The following BBS9 variants were observed in gnomAD, a reference collection of about 807,000 sequenced individuals.
The protein encoded by BBS9 is protein PTHB1.
In BBS9, 89 loss-of-function variants were observed where a neutral mutation model predicts 117.7. That is an observed-to-expected ratio of 0.76 (90% CI 0.64 to 0.90). The LOEUF (loss-of-function observed/expected upper bound fraction) is 0.90, where lower values mean the gene tolerates loss of function less well. Ranked by LOEUF, BBS9 falls within the 40% of genes least tolerant of loss-of-function variation. The probability of loss-of-function intolerance (pLI) is 0.00; values close to 1 mark genes in which losing one functional copy is unlikely to be tolerated. For missense variants in BBS9, 982 were observed against 1,042.2 expected, an observed-to-expected ratio of 0.94 and a Z score of 0.80; for synonymous variants, 379 against 370.9, an observed-to-expected ratio of 1.02 and a Z score of -0.25.
At chr7:33,495,602 T>G (rs183633874) in intron 19 of BBS9, among the ~76,000 whole-genome samples, 62 of 152,308 alleles carry the variant, frequency 4.1e-4, no homozygotes, top group African/African-American at 1.5e-3. Context: ...AGAACATTCA[T>G]TCTTCTTTTT....
intron 9 of BBS9, among the ~76,000 whole-genome samples, chr7:33,317,934 T>C (rs1810880488): frequency 6.6e-6 from 1 of 152,082 alleles, no homozygotes; most frequent in Admixed American, 6.5e-5. Context: ...CATCTGTAAT[T>C]CCAGCTACTT....
intron 21 of BBS9, among the ~76,000 whole-genome samples, chr7:33,542,904 T>C (rs934582718): frequency 7.2e-5 from 11 of 151,770 alleles, no homozygotes; most frequent in African/African-American, 1.7e-4. Flanking sequence ...CAATTGTAAA[T>C]TGTGCTGCTA....
intron 21 of BBS9, among the ~76,000 whole-genome samples, chr7:33,538,310 A>G (rs557686376): frequency 6.6e-6 from 1 of 152,224 alleles, no homozygotes; most frequent in Non-Finnish European, 1.5e-5. Context: ...TGAAAAAGTT[A>G]TCATTTTGAG....
rs556473671 is a variant in BBS9 at position 33,219,309 on chromosome 7, G to A, written c.443-37927G>A. On this transcript the variant is annotated intron_variant, in intron 5 of 22. Transcript: ENST00000242067. ...GAGCTTCCCCGGTGAGCGCCGCCCC[G>A]TGCTCCACCGCGGCCGGTCCCATCG... 5.5e-3 allele frequency among the ~76,000 whole-genome samples: 837 copies of A among 152,272 alleles called. 6 individuals carry two copies. The highest frequency in any genetic ancestry group is 0.019 in the African/African-American group (778 of 41,558).
intron 9 of BBS9, among the ~76,000 whole-genome samples, chr7:33,313,206 T>G (rs2128557206): frequency 6.6e-6 from 1 of 152,222 alleles, no homozygotes; most frequent in Non-Finnish European, 1.5e-5. Context: ...ATTTTTTTGG[T>G]CTTCTCCTTT....
intron 5 of BBS9, among the ~76,000 whole-genome samples, chr7:33,180,284 C>T (rs1196781464): frequency 6.6e-6 from 1 of 152,176 alleles, no homozygotes; most frequent in East Asian, 1.9e-4. Context: ...CTTCCCCTCC[C>T]TTGTTCAGGT....
intron 7 of BBS9, among the ~76,000 whole-genome samples, chr7:33,268,528 G>T (rs1487203156): frequency 6.6e-6 from 1 of 152,166 alleles, no homozygotes. Context: ...TTGTTGTCTG[G>T]TGTCCAGTGC....
chr7:33,404,674 T>C (rs1829594921), intron 19 of BBS9, among the ~76,000 whole-genome samples: 1 of 150,088 alleles, frequency 6.7e-6, no homozygotes, highest in Admixed American at 6.6e-5. Context: ...AGAATGCTTG[T>C]GATTTTTGTA....
intron 10 of BBS9, among the ~76,000 whole-genome samples, chr7:33,339,527 C>T (rs1816082286): frequency 6.6e-6 from 1 of 152,170 alleles, no homozygotes; most frequent in Admixed American, 6.6e-5. Flanking sequence ...CAGTTGTAGG[C>T]AGTTCCTTTT....
chr7:33,276,795 A>C (rs1257314217), intron 9 of BBS9: 1 of 152,636 alleles, frequency 6.6e-6, no homozygotes, highest in East Asian at 1.9e-4. Flanking sequence ...CCTGTGAGGA[A>C]GATACTTCCT....
At chr7:33,611,474 ATAT>A (rs1317415772) in intron 21 of BBS9, among the ~76,000 whole-genome samples, 11 of 142,524 alleles carry the variant, frequency 7.7e-5, no homozygotes, top group Admixed American at 6.7e-4. Flanking sequence ...ATAATATAAT[ATAT>A]TATAATAATG....
intron 21 of BBS9, among the ~76,000 whole-genome samples, chr7:33,621,211 A>C (rs1865387898): frequency 6.6e-6 from 1 of 152,222 alleles, no homozygotes; most frequent in Non-Finnish European, 1.5e-5. Flanking sequence ...GATTTCATTA[A>C]ACTTAAAAGC....
At chr7:33,156,462 T>A (rs185811304) in intron 4 of BBS9, among the ~76,000 whole-genome samples, 1 of 152,192 alleles carries the variant, frequency 6.6e-6, no homozygotes. Flanking sequence ...GCTGTAAATG[T>A]TACCTTCTAG....
chr7:33,228,652 T>C, intron 5 of BBS9, among the ~76,000 whole-genome samples: 1 of 152,340 alleles, frequency 6.6e-6, no homozygotes, highest in East Asian at 1.9e-4. Flanking sequence ...TTATTTGTGT[T>C]TTATATGGTA....
At chr7:33,306,956 G>A (rs1175755242) in intron 9 of BBS9, among the ~76,000 whole-genome samples, 1 of 150,674 alleles carries the variant, frequency 6.6e-6, no homozygotes, top group African/African-American at 2.4e-5. Flanking sequence ...AATGAAATAA[G>A]GATATTTGCA....
chr7:33,388,203 A>G (rs1826388063), intron 19 of BBS9, 59 bp downstream of exon 19: 3 of 1,566,078 alleles, frequency 1.9e-6, no homozygotes, highest in Admixed American at 1.7e-5. Flanking sequence ...TTGTCACCCT[A>G]GAGTCATGTA....
At chr7:33,333,446 C>T (rs999314496) in intron 9 of BBS9, among the ~76,000 whole-genome samples, 1 of 152,122 alleles carries the variant, frequency 6.6e-6, no homozygotes, top group Non-Finnish European at 1.5e-5. Flanking sequence ...TTTATCCACT[C>T]ATTGGTTGAT....
chr7:33,426,778 A>AG (rs1833721345), intron 19 of BBS9, among the ~76,000 whole-genome samples: 1 of 152,156 alleles, frequency 6.6e-6, no homozygotes, highest in African/African-American at 2.4e-5. Context: ...ACATTCCATG[A>AG]GTGCCTAGTT....
At chr7:33,253,835 A>G (rs1583897843) in intron 5 of BBS9, among the ~76,000 whole-genome samples, 2 of 152,178 alleles carry the variant, frequency 1.3e-5, no homozygotes, top group African/African-American at 2.4e-5. Context: ...CTCTGCTCCT[A>G]TCTTGTTGAG....
Sources: allele counts gnomAD v4.1 joint callset (sites outside exome capture counted in the v4.1 genomes callset), GRCh38; gene constraint gnomAD v4.1.1; transcripts MANE v1.5; gene names NCBI Gene and HGNC (gene_info 2026-07-23, HGNC 2026-07-21).